Variants in KCNAB1 observed in about 807,000 individuals in gnomAD.
The protein encoded by KCNAB1 is voltage-gated potassium channel subunit beta-1.
Under a neutral mutation model 64.6 loss-of-function variants are expected in KCNAB1, and 35 were observed. That is an observed-to-expected ratio of 0.54 (90% CI 0.41 to 0.72). The LOEUF (loss-of-function observed/expected upper bound fraction) is 0.72. Ranked by LOEUF, KCNAB1 falls within the 30% of genes least tolerant of loss-of-function variation. The probability of loss-of-function intolerance (pLI) is 0.00; values close to 1 mark genes in which losing one functional copy is unlikely to be tolerated. For synonymous variants in KCNAB1, 177 were observed against 183.8 expected, an observed-to-expected ratio of 0.96 and a Z score of 0.30; for missense variants, 401 against 512.9, an observed-to-expected ratio of 0.78 and a Z score of 2.11.
At position 156,535,226 on chromosome 3, in the gene KCNAB1, A is replaced by G. The variant is rs77001021; in HGVS notation, c.1171-1432A>G. Among the ~76,000 whole-genome samples, 159 of 152,308 alleles carry G rather than the reference A, an allele frequency of 1.0e-3. 2 individuals are homozygous for G. The East Asian group carries it at 0.029, about 28-fold the overall frequency. On this transcript the variant is annotated intron_variant, in intron 13 of 13. Coordinates refer to ENST00000490337, the MANE Select transcript of KCNAB1 (RefSeq NM_172160.3). ...TTGCCAAACCCTAAGGCTTCTGAGGATAGCACTTGACTGGAGACAAGGTCA... is the reference window on the plus strand; with the variant it reads ...TTGCCAAACCCTAAGGCTTCTGAGGGTAGCACTTGACTGGAGACAAGGTCA...
intron 1 of KCNAB1, among the ~76,000 whole-genome samples, chr3:156,269,776 T>C (rs1476248131): frequency 2.6e-5 from 4 of 152,196 alleles, no homozygotes; most frequent in Non-Finnish European, 5.9e-5. Context: ...TTTTGTCTGA[T>C]ACAGGTGTAG....
At chr3:156,149,425 A>T (rs1468244269) in intron 1 of KCNAB1, among the ~76,000 whole-genome samples, 1 of 152,226 alleles carries the variant, frequency 6.6e-6, no homozygotes, top group Non-Finnish European at 1.5e-5. Context: ...GAGAAACCTC[A>T]CTTAGCTACC....
At chr3:156,393,026 G>T (rs987267002) in intron 1 of KCNAB1, among the ~76,000 whole-genome samples, 1 of 152,138 alleles carries the variant, frequency 6.6e-6, no homozygotes, top group Non-Finnish European at 1.5e-5. Flanking sequence ...GTGTGGGATG[G>T]CTGTTATTTT....
chr3:156,433,230 C>T (rs77481860), intron 2 of KCNAB1, among the ~76,000 whole-genome samples: 5,411 of 152,210 alleles, frequency 0.036, 311 homozygotes, highest in African/African-American at 0.12. Flanking sequence ...GGCTATATGC[C>T]CCTAAAGGAC....
At chr3:156,192,551 T>C (rs1713623976) in intron 1 of KCNAB1, among the ~76,000 whole-genome samples, 1 of 152,200 alleles carries the variant, frequency 6.6e-6, no homozygotes, top group South Asian at 2.1e-4. Flanking sequence ...CTGATTTCTA[T>C]CTCTTTGTTT....
chr3:156,230,069 A>G (rs1248676280), intron 1 of KCNAB1, among the ~76,000 whole-genome samples: 1 of 152,212 alleles, frequency 6.6e-6, no homozygotes, highest in African/African-American at 2.4e-5. Context: ...TGACATCCAA[A>G]GAGCATGAGG....
At chr3:156,325,899 C>T (rs1722942631) in intron 1 of KCNAB1, among the ~76,000 whole-genome samples, 1 of 152,108 alleles carries the variant, frequency 6.6e-6, no homozygotes, top group Non-Finnish European at 1.5e-5. Flanking sequence ...AAACAAACTT[C>T]TCCTCATATT....
chr3:156,223,417 G>C (rs1715918212), intron 1 of KCNAB1, among the ~76,000 whole-genome samples: 1 of 152,190 alleles, frequency 6.6e-6, no homozygotes, highest in Non-Finnish European at 1.5e-5. Context: ...CTGTTTTACA[G>C]AGAGCTGATT....
chr3:156,532,887 A>G (rs1349331995), intron 13 of KCNAB1, among the ~76,000 whole-genome samples: 1 of 152,224 alleles, frequency 6.6e-6, no homozygotes, highest in African/African-American at 2.4e-5. Context: ...TTTCACTAAT[A>G]TTTATGGAGC....
At chr3:156,388,255 C>T (rs982515187) in intron 1 of KCNAB1, among the ~76,000 whole-genome samples, 1 of 152,138 alleles carries the variant, frequency 6.6e-6, no homozygotes, top group East Asian at 1.9e-4. Context: ...AAAAAATTTG[C>T]TTCTGAAATA....
chr3:156,377,301 G>A (rs533759228), intron 1 of KCNAB1, among the ~76,000 whole-genome samples: 1 of 152,220 alleles, frequency 6.6e-6, no homozygotes, highest in Non-Finnish European at 1.5e-5. Flanking sequence ...AGAAGAGCAG[G>A]TTGGCTTGAG....
At chr3:156,230,297 C>A (rs1312681608) in intron 1 of KCNAB1, among the ~76,000 whole-genome samples, 1 of 152,168 alleles carries the variant, frequency 6.6e-6, no homozygotes, top group Non-Finnish European at 1.5e-5. Context: ...TACACAAATA[C>A]TTACCATTGT....
At chr3:156,150,456 T>A (rs992580056) in intron 1 of KCNAB1, among the ~76,000 whole-genome samples, 1 of 152,122 alleles carries the variant, frequency 6.6e-6, no homozygotes, top group African/African-American at 2.4e-5. Context: ...ATGACGAAAA[T>A]ACTGGAAATT....
intron 11 of KCNAB1, among the ~76,000 whole-genome samples, chr3:156,522,402 TGTC>T (rs1397405547): frequency 6.6e-6 from 1 of 152,080 alleles, no homozygotes; most frequent in African/African-American, 2.4e-5. Flanking sequence ...CCCAAGGCAG[TGTC>T]CATTGTTCAC....
At chr3:156,184,545 G>C (rs561047602) in intron 1 of KCNAB1, among the ~76,000 whole-genome samples, 2 of 152,190 alleles carry the variant, frequency 1.3e-5, no homozygotes, top group Non-Finnish European at 2.9e-5. Context: ...CAATATGCTG[G>C]CTAGACAGAT....
chr3:156,354,126 ATATATATATATATATATGTG>A (rs1560212840), intron 1 of KCNAB1, among the ~76,000 whole-genome samples: 1 of 141,026 alleles, frequency 7.1e-6, no homozygotes, highest in African/African-American at 2.8e-5. Context: ...GTGTGTATAT[ATATATATATATATATATGTG>A]TATATATATA....
At chr3:156,348,272 C>T (rs1445625705) in intron 1 of KCNAB1, among the ~76,000 whole-genome samples, 1 of 152,064 alleles carries the variant, frequency 6.6e-6, no homozygotes, top group South Asian at 2.1e-4. Flanking sequence ...ACAGAACATG[C>T]AAAGGCCATG....
chr3:156,325,419 C>G (rs911873709), intron 1 of KCNAB1, among the ~76,000 whole-genome samples: 5 of 152,012 alleles, frequency 3.3e-5, no homozygotes, highest in African/African-American at 9.7e-5. Flanking sequence ...TAAATCTCTT[C>G]CAAAGTAAAT....
In KCNAB1 at chr3:156,120,909, G is replaced by A. The variant is rs201203895; in HGVS notation, c.275+23G>A. The stretch of plus-strand genomic sequence containing the variant: ...CAGGTAAGCTGCCCCTGCTCTGCGC[G>A]GGCTTTGGGAGACGCCGTTCGAAGG... On this transcript the variant is annotated intron_variant, in intron 1 of 13. Coordinates refer to ENST00000490337, the MANE Select transcript of KCNAB1 (RefSeq NM_172160.3). 117 of 1,608,240 alleles carry A rather than the reference G, an allele frequency of 7.3e-5. No homozygotes were observed. The East Asian group carries it at 1.2e-3, about 17-fold the overall frequency.
Sources: allele counts gnomAD v4.1 joint callset (sites outside exome capture counted in the v4.1 genomes callset), GRCh38; gene constraint gnomAD v4.1.1; transcripts MANE v1.5; gene names NCBI Gene and HGNC (gene_info 2026-07-23, HGNC 2026-07-21).